LHFPL3: variants seen among roughly 807,000 people sequenced by gnomAD.
LHFPL3 encodes the protein LHFPL tetraspan subfamily member 3.
Under a neutral mutation model 19.3 loss-of-function variants are expected in LHFPL3, and 5 were observed. That is an observed-to-expected ratio of 0.26 (90% CI 0.14 to 0.54). The LOEUF is 0.54. LHFPL3 is among the 20% of genes least tolerant of loss of function. The pLI is 0.94. For synonymous variants in LHFPL3, 133 were observed against 126.2 expected (o/e 1.05, Z -0.36); for missense variants, 249 against 307.4 (o/e 0.81, Z 1.42).
intron 2 of LHFPL3, among the ~76,000 whole-genome samples, chr7:104,887,263 T>C (rs1057196280): frequency 4.6e-5 from 7 of 152,222 alleles, no homozygotes; most frequent in African/African-American, 1.7e-4. Flanking sequence ...ATAAGAATAT[T>C]ACCCTAGCTT....
At chr7:104,699,372 C>T (rs1793058631) in intron 1 of LHFPL3, among the ~76,000 whole-genome samples, 1 of 152,132 alleles carries the variant, frequency 6.6e-6, no homozygotes, top group Non-Finnish European at 1.5e-5. Context: ...TTACACATGC[C>T]AGGACACTTT....
chr7:104,781,737 A>G (rs1191864699), intron 2 of LHFPL3, among the ~76,000 whole-genome samples: 1 of 152,174 alleles, frequency 6.6e-6, no homozygotes, highest in Non-Finnish European at 1.5e-5. Flanking sequence ...TTAAATCGAA[A>G]GGATACTGTT....
intron 1 of LHFPL3, among the ~76,000 whole-genome samples, chr7:104,387,364 G>A (rs1229039523): frequency 6.6e-6 from 1 of 151,734 alleles, no homozygotes; most frequent in Non-Finnish European, 1.5e-5. Flanking sequence ...ATGAAACTTG[G>A]TCTCAAAATT....
chr7:104,614,083 A>G (rs1420949309), intron 1 of LHFPL3, among the ~76,000 whole-genome samples: 1 of 152,172 alleles, frequency 6.6e-6, no homozygotes, highest in Non-Finnish European at 1.5e-5. Context: ...ACACTGGCAG[A>G]TTCACATTTC....
At chr7:104,559,087 T>G (rs6975424) in intron 1 of LHFPL3, among the ~76,000 whole-genome samples, 142,256 of 146,648 alleles carry the variant, frequency 0.97, 69,193 homozygotes, top group East Asian at 1. Flanking sequence ...CTGTAGCCTT[T>G]CAGTGTAGTT....
At chr7:104,352,252 ATTATAT>A (rs1427977682) in intron 1 of LHFPL3, among the ~76,000 whole-genome samples, 8 of 151,948 alleles carry the variant, frequency 5.3e-5, no homozygotes, top group African/African-American at 1.7e-4. Flanking sequence ...AATTATTACT[ATTATAT>A]TTATATTGTA....
At chr7:104,384,503 T>G (rs1469789518) in intron 1 of LHFPL3, among the ~76,000 whole-genome samples, 1 of 151,916 alleles carries the variant, frequency 6.6e-6, no homozygotes, top group Admixed American at 6.6e-5. Context: ...AATGAATGTA[T>G]AGGCCGGGCA....
intron 1 of LHFPL3, among the ~76,000 whole-genome samples, chr7:104,457,340 A>G (rs1011669166): frequency 3.3e-5 from 5 of 151,374 alleles, no homozygotes; most frequent in East Asian, 2.0e-4. Flanking sequence ...TCGTTGTTCA[A>G]TTCCCACCTA....
At chr7:104,503,952 A>G (rs1793651013) in intron 1 of LHFPL3, among the ~76,000 whole-genome samples, 1 of 152,014 alleles carries the variant, frequency 6.6e-6, no homozygotes. Context: ...TGCTTTGTAG[A>G]TCTTATTTTG....
chr7:104,521,334 C>A (rs894653149), intron 1 of LHFPL3, among the ~76,000 whole-genome samples: 7 of 152,036 alleles, frequency 4.6e-5, no homozygotes, highest in African/African-American at 1.7e-4. Flanking sequence ...AATTTCTGTT[C>A]TTTTACATTT....
chr7:104,429,668 A>G (rs1243820130), intron 1 of LHFPL3, among the ~76,000 whole-genome samples: 1 of 151,856 alleles, frequency 6.6e-6, no homozygotes, highest in Non-Finnish European at 1.5e-5. Context: ...TAGCATCACA[A>G]CTTAGGCTAT....
At chr7:104,472,013 A>T (rs1403352242) in intron 1 of LHFPL3, among the ~76,000 whole-genome samples, 1 of 152,048 alleles carries the variant, frequency 6.6e-6, no homozygotes, top group African/African-American at 2.4e-5. Flanking sequence ...ACCTGTGTCT[A>T]GAAAAAGTTC....
chr7:104,478,629 T>C (rs1046282671), intron 1 of LHFPL3, among the ~76,000 whole-genome samples: 3 of 152,198 alleles, frequency 2.0e-5, no homozygotes, highest in African/African-American at 7.2e-5. Flanking sequence ...TCCCTGGATC[T>C]TCTTTGAATG....
intron 2 of LHFPL3, among the ~76,000 whole-genome samples, chr7:104,901,879 T>A (rs1792492239): frequency 6.6e-6 from 1 of 152,128 alleles, no homozygotes. Flanking sequence ...CTGCAAGTTT[T>A]AAAGAAGCAC....
chr7:104,481,413 A>G (rs1351050917), intron 1 of LHFPL3, among the ~76,000 whole-genome samples: 1 of 152,008 alleles, frequency 6.6e-6, no homozygotes, highest in Admixed American at 6.6e-5. Flanking sequence ...CCATACTCCC[A>G]CTTGTCTTTT....
intron 1 of LHFPL3, among the ~76,000 whole-genome samples, chr7:104,519,032 T>C (rs1392422521): frequency 2.0e-5 from 3 of 152,140 alleles, no homozygotes; most frequent in African/African-American, 7.2e-5. Flanking sequence ...AGCTTTCTCT[T>C]CTCTTCTCTT....
intron 1 of LHFPL3, among the ~76,000 whole-genome samples, chr7:104,735,065 T>C (rs1407628765): frequency 2.0e-5 from 3 of 152,212 alleles, no homozygotes; most frequent in Admixed American, 1.3e-4. Flanking sequence ...TGCTGTCTGA[T>C]CGTTCCTCTG....
At chr7:104,789,731 T>C (rs1789985991) in intron 2 of LHFPL3, among the ~76,000 whole-genome samples, 1 of 152,196 alleles carries the variant, frequency 6.6e-6, no homozygotes, top group African/African-American at 2.4e-5. Flanking sequence ...AACTATGTTT[T>C]TCCCTCCATT....
chr7:104,489,464 C>G (rs1284265820), intron 1 of LHFPL3, among the ~76,000 whole-genome samples: 2 of 151,572 alleles, frequency 1.3e-5, no homozygotes, highest in Non-Finnish European at 2.9e-5. Flanking sequence ...TGAAGTCTTA[C>G]TTATGCTTTC....
Sources: allele counts gnomAD v4.1 joint callset (sites outside exome capture counted in the v4.1 genomes callset), GRCh38; gene constraint gnomAD v4.1.1; transcripts MANE v1.5; gene names NCBI Gene and HGNC (gene_info 2026-07-23, HGNC 2026-07-21).